The following ELP4 variants were observed in gnomAD, a reference collection of about 807,000 sequenced individuals.
ELP4 encodes the protein elongator acetyltransferase complex subunit 4, also known as elongator complex protein 4.
Under a neutral mutation model 48.9 loss-of-function variants are expected in ELP4, and 51 were observed. The observed-to-expected ratio is 1.04, with a 90% confidence interval of 0.83 to 1.32. The LOEUF (loss-of-function observed/expected upper bound fraction) is 1.32. ELP4 is among the 40% of genes most tolerant of loss of function. The pLI, the probability that ELP4 is intolerant of heterozygous loss-of-function variation, is 0.00. For synonymous variants in ELP4, 210 were observed against 189.2 expected, an observed-to-expected ratio of 1.11 and a Z score of -0.90; for missense variants, 519 against 514.6, an observed-to-expected ratio of 1.01 and a Z score of -0.08.
chr11:31,767,225 G>A (rs942569852), intron 9 of ELP4: 4 of 152,100 alleles, frequency 2.6e-5, no homozygotes, highest in African/African-American at 9.7e-5. Flanking sequence ...CATTCCCATT[G>A]CATACCTGCA....
chr11:31,765,581 A>G (rs1443283721), intron 9 of ELP4, among the ~76,000 whole-genome samples: 1 of 152,162 alleles, frequency 6.6e-6, no homozygotes, highest in Non-Finnish European at 1.5e-5. Context: ...TTTATCAAAG[A>G]GATGAGTTGT....
intron 9 of ELP4, among the ~76,000 whole-genome samples, chr11:31,740,228 C>G (rs1181221791): frequency 6.6e-6 from 1 of 152,060 alleles, no homozygotes; most frequent in African/African-American, 2.4e-5. Flanking sequence ...TTTTTTTCTC[C>G]TCTCAAGTTT....
intron 2 of ELP4, among the ~76,000 whole-genome samples, chr11:31,534,602 G>A (rs1264765188): frequency 1.3e-5 from 2 of 152,056 alleles, no homozygotes; most frequent in African/African-American, 4.8e-5. Flanking sequence ...AAAAAAGTAG[G>A]ATACCAAATC....
chr11:31,641,983 G>T (rs1289974779), intron 7 of ELP4, among the ~76,000 whole-genome samples: 2 of 151,974 alleles, frequency 1.3e-5, no homozygotes, highest in East Asian at 3.9e-4. Context: ...ACTAAAAAAA[G>T]ATTTCTGATT....
chr11:31,618,566 G>GTCT (rs1944546621), intron 5 of ELP4, among the ~76,000 whole-genome samples: 1 of 151,992 alleles, frequency 6.6e-6, no homozygotes, highest in South Asian at 2.1e-4. Context: ...ACTTAATACG[G>GTCT]TAACAATGGC....
intron 9 of ELP4, among the ~76,000 whole-genome samples, chr11:31,743,913 G>C (rs956098545): frequency 1.3e-5 from 2 of 152,154 alleles, no homozygotes; most frequent in Admixed American, 1.3e-4. Flanking sequence ...GAAGGAAATA[G>C]AGACACAAAA....
In ELP4 at chr11:31,709,326, A is replaced by G. The variant is rs140512488; in HGVS notation, c.1143+59105A>G. On this transcript the variant is annotated intron_variant, in intron 9 of 9. Transcript: ENST00000640961. Reference sequence around the variant, plus strand: ...TTTCAATCCAAGGGTCTGTGTTTCCAAGATTAGTCTTCAGGTGCTAGTTAA... The same window carrying G: ...TTTCAATCCAAGGGTCTGTGTTTCCGAGATTAGTCTTCAGGTGCTAGTTAA... Among the ~76,000 whole-genome samples, 5 of 152,272 alleles carry G rather than the reference A, an allele frequency of 3.3e-5. No homozygotes were observed. In the East Asian group the frequency reaches 9.6e-4, roughly 29 times the overall value.
intron 9 of ELP4, among the ~76,000 whole-genome samples, chr11:31,732,688 A>G (rs1363498842): frequency 6.6e-6 from 1 of 152,224 alleles, no homozygotes; most frequent in Admixed American, 6.5e-5. Flanking sequence ...ATATAAGGGG[A>G]CACATCAGCT....
At chr11:31,735,780 A>T (rs1947299856) in intron 9 of ELP4, among the ~76,000 whole-genome samples, 1 of 152,158 alleles carries the variant, frequency 6.6e-6, no homozygotes, top group African/African-American at 2.4e-5. Context: ...GATATGAAGG[A>T]CCTCTTCAAG....
chr11:31,689,773 G>A lies in ELP4; in HGVS notation c.1143+39552G>A, dbSNP rs140273031. 3.3e-5 allele frequency among the ~76,000 whole-genome samples: 5 copies of A among 152,286 alleles called. No homozygotes were observed. The East Asian group carries it at 9.6e-4, about 29-fold the overall frequency. ...ACCACTTATTGGATGTGTGAGCTCA[G>A]CAAATAATGTCTTTCTGCTTCAGTT... On this transcript the variant is annotated intron_variant, in intron 9 of 9. Coordinates refer to ENST00000640961, the MANE Select transcript of ELP4 (RefSeq NM_019040.5).
At chr11:31,752,296 T>C (rs1947738089) in intron 9 of ELP4, among the ~76,000 whole-genome samples, 1 of 152,118 alleles carries the variant, frequency 6.6e-6, no homozygotes, top group African/African-American at 2.4e-5. Context: ...ACAAATTTCC[T>C]AGGAAACAGC....
At chr11:31,709,143 G>C (rs1946690742) in intron 9 of ELP4, among the ~76,000 whole-genome samples, 1 of 152,054 alleles carries the variant, frequency 6.6e-6, no homozygotes, top group African/African-American at 2.4e-5. Context: ...TTGAGTGAAA[G>C]AATATAAGTT....
At chr11:31,577,816 T>G (rs2133966635) in intron 3 of ELP4, among the ~76,000 whole-genome samples, 1 of 152,298 alleles carries the variant, frequency 6.6e-6, no homozygotes, top group Admixed American at 6.5e-5. Context: ...GCGCTATTTA[T>G]GACAAACCCA....
chr11:31,562,639 A>T (rs1957040211), intron 3 of ELP4, among the ~76,000 whole-genome samples: 1 of 152,196 alleles, frequency 6.6e-6, no homozygotes, highest in African/African-American at 2.4e-5. Flanking sequence ...TTCTTTTTGT[A>T]ATAGCAGTGA....
At position 31,510,267 on chromosome 11, in the gene ELP4, G is replaced by T; in HGVS notation, c.223+260G>T. The T allele has an allele frequency of 5.4e-6, 3 of 557,414 alleles. No homozygotes were observed. In the South Asian group the frequency reaches 7.7e-5, roughly 14 times the overall value. 34.5% of individuals were successfully genotyped at this position (557,414 alleles called of 1,614,324 possible). A position where few individuals can be genotyped will look rare whatever the true frequency, so the allele number is the denominator to read the frequency against. On this transcript the variant is annotated intron_variant, in intron 1 of 9. Coordinates refer to ENST00000640961, the MANE Select transcript of ELP4 (RefSeq NM_019040.5). ...CCCTTTTCATATTACGGAGGAATTC[G>T]TACATGCTTTTTACCCTGAAATGCT...
Position 31,789,607 on chromosome 11 carries a change from C to T in ELP4, c.*6083C>T, listed in dbSNP as rs1949105591. On this transcript the variant is annotated 3_prime_UTR_variant, in exon 10 of 10. Transcript: ENST00000640961. ...AAAAAAAAAACAACTTCATGACCAACACAGATCAAACATCCATCCAGTCTA... is the reference window on the plus strand; with the variant it reads ...AAAAAAAAAACAACTTCATGACCAATACAGATCAAACATCCATCCAGTCTA... The T allele has an allele frequency of 1.6e-6, 1 of 642,236 alleles. No individual in the cohort carries two copies. Among genetic ancestry groups the T allele is most frequent in the East Asian group, 2.7e-5 (1 of 36,506 alleles). 39.8% of individuals were successfully genotyped at this position (642,236 alleles called of 1,614,324 possible).
chr11:31,622,181 T>G (rs914212827), intron 5 of ELP4, among the ~76,000 whole-genome samples: 1 of 151,870 alleles, frequency 6.6e-6, no homozygotes, highest in South Asian at 2.1e-4. Context: ...GTATAGATTT[T>G]TCACTTATCA....
Position 31,603,752 on chromosome 11 carries a change from G to T in ELP4, c.514-16G>T. Reference sequence around the variant, plus strand: ...AAATAATTGTTTAACAACCACTATGGGGTTTATTTTAGCAGATTGGACCAG... The same window carrying T: ...AAATAATTGTTTAACAACCACTATGTGGTTTATTTTAGCAGATTGGACCAG... On this transcript the variant is annotated splice_polypyrimidine_tract_variant and intron_variant, in intron 4 of 9. Coordinates refer to ENST00000640961, the MANE Select transcript of ELP4 (RefSeq NM_019040.5). 1 of 1,601,336 alleles carries T rather than the reference G, an allele frequency of 6.2e-7. No individual in the cohort carries two copies.
chr11:31,635,385 T>C (rs1411920836), intron 7 of ELP4, among the ~76,000 whole-genome samples: 1 of 152,000 alleles, frequency 6.6e-6, no homozygotes, highest in Non-Finnish European at 1.5e-5. Flanking sequence ...TGGTTGGTAC[T>C]GTCATTATCT....
Sources: gnomAD v4.1 joint callset for allele counts (sites outside exome capture counted in the v4.1 genomes callset) on GRCh38, gnomAD v4.1.1 for gene constraint, MANE v1.5 for transcripts, NCBI Gene and HGNC (gene_info 2026-07-23, HGNC 2026-07-21) for gene names.